The following ALMS1 variants were observed in gnomAD, a reference collection of about 807,000 sequenced individuals.
The protein encoded by ALMS1 is ALMS1 centrosome and basal body associated protein.
A neutral mutation model predicts 352.2 loss-of-function variants in ALMS1; 271 were observed. The ratio of observed to expected loss-of-function variants is 0.77; its 90% CI spans 0.70 to 0.85. The LOEUF is 0.85. Ranked by LOEUF, ALMS1 falls within the 40% of genes least tolerant of loss-of-function variation. ALMS1 has a pLI of 0.00. For missense variants in ALMS1, 5,445 were observed against 4,870.7 expected, an observed-to-expected ratio of 1.12 and a Z score of -3.51; for synonymous variants, 1,865 against 1,761.2, an observed-to-expected ratio of 1.06 and a Z score of -1.48.
intron 16 of ALMS1, among the ~76,000 whole-genome samples, chr2:73,598,171 A>G (rs1675592346): frequency 6.6e-6 from 1 of 152,222 alleles, no homozygotes; most frequent in Non-Finnish European, 1.5e-5. Flanking sequence ...ATATAACTCC[A>G]TCTTGCCCTC....
intron 10 of ALMS1, among the ~76,000 whole-genome samples, chr2:73,506,187 G>A (rs1232053591): frequency 6.6e-6 from 1 of 152,152 alleles, no homozygotes; most frequent in East Asian, 1.9e-4. Context: ...TTTGGTTCCC[G>A]TAGCCTTGTA....
intron 16 of ALMS1, among the ~76,000 whole-genome samples, chr2:73,592,903 A>G (rs1675461711): frequency 6.6e-6 from 1 of 152,232 alleles, no homozygotes; most frequent in South Asian, 2.1e-4. Flanking sequence ...AGACAGCAAC[A>G]GGTGAGTTTG....
chr2:73,522,760 C>T (rs1294995331), intron 11 of ALMS1, among the ~76,000 whole-genome samples: 2 of 152,178 alleles, frequency 1.3e-5, no homozygotes. Context: ...AGCCACTGCG[C>T]CTGGCCAAGG....
chr2:73,577,467 A>G (rs191032763), intron 16 of ALMS1, among the ~76,000 whole-genome samples: 1 of 149,060 alleles, frequency 6.7e-6, no homozygotes, highest in Non-Finnish European at 1.5e-5. Context: ...TGGATTTAGT[A>G]TGTTTTTTTT....
chr2:73,409,104 T>C (rs180848113), intron 2 of ALMS1, among the ~76,000 whole-genome samples: 6 of 152,162 alleles, frequency 3.9e-5, no homozygotes, highest in Admixed American at 6.5e-5. Context: ...CTTGAGCTCT[T>C]GGCCTCAAAT....
At position 73,550,318 on chromosome 2, in the gene ALMS1, G is replaced by T; in HGVS notation, c.9959G>T (p.Arg3320Ile). Reference sequence around the variant, plus strand: ...TTCCCAGCTCAGGTGCTAGGCACAAGAGATGATGACCTCTCAGCCACTGTT... The same window carrying T: ...TTCCCAGCTCAGGTGCTAGGCACAATAGATGATGACCTCTCAGCCACTGTT... ...PDFPAQVLGT[R>I]DDDLSATVNI... is the part of the protein sequence containing the mutation. The change falls in exon 13 of 23, where the codon AGA becomes ATA. Residue 3320 changes from arginine (R) to isoleucine (I), a missense_variant. Physicochemically the swap from Arg to Ile is moderately conservative, Grantham distance 97. Coordinates refer to ENST00000613296, the MANE Select transcript of ALMS1 (RefSeq NM_001378454.1). 6.2e-7 allele frequency: 1 copy of T among 1,614,166 alleles called. No homozygotes were observed. The highest frequency in any genetic ancestry group is 2.2e-5 in the East Asian group (1 of 44,878).
At chr2:73,486,442 G>GATTATTTAAA (rs1672848660) in intron 9 of ALMS1, among the ~76,000 whole-genome samples, 2 of 152,140 alleles carry the variant, frequency 1.3e-5, no homozygotes, top group Non-Finnish European at 2.9e-5. Context: ...TGGTTGGCTG[G>GATTATTTAAA]AGTAGAATGG....
At chr2:73,560,500 T>TA (rs953465075) in intron 15 of ALMS1, among the ~76,000 whole-genome samples, 5 of 152,098 alleles carry the variant, frequency 3.3e-5, no homozygotes, top group African/African-American at 1.2e-4. Flanking sequence ...CTCAGAATAA[T>TA]AAAAAAGAAT....
chr2:73,601,821 G>C (rs896409177), intron 19 of ALMS1, among the ~76,000 whole-genome samples: 3 of 152,204 alleles, frequency 2.0e-5, no homozygotes, highest in Non-Finnish European at 4.4e-5. Flanking sequence ...AAGGAAACCA[G>C]GTCTCTTCTG....
intron 1 of ALMS1, among the ~76,000 whole-genome samples, chr2:73,396,303 T>TAC (rs757567739): frequency 0.097 from 14,017 of 143,992 alleles, 784 homozygotes; most frequent in East Asian, 0.35. Context: ...GTCATAGAAA[T>TAC]ACACACACAC....
chr2:73,460,446 A>G (rs1440097953), intron 9 of ALMS1, among the ~76,000 whole-genome samples: 1 of 152,136 alleles, frequency 6.6e-6, no homozygotes, highest in Non-Finnish European at 1.5e-5. Context: ...AGCACTCATT[A>G]AAAAATTCGG....
At chr2:73,428,213 C>CT (rs1671418675) in intron 6 of ALMS1, among the ~76,000 whole-genome samples, 1 of 152,124 alleles carries the variant, frequency 6.6e-6, no homozygotes, top group African/African-American at 2.4e-5. Flanking sequence ...CTCTGTCAAT[C>CT]CTATCAAATA....
At position 73,386,056 on chromosome 2, in the gene ALMS1, A is replaced by G. The variant is rs1574423971; in HGVS notation, c.188A>G (p.Gln63Arg). Residue 63 changes from glutamine to arginine, a missense_variant, in exon 1 of 23, where the codon CAG (glutamine) becomes CGG (arginine). Transcript: ENST00000613296. ...ELDSDSHYGP[Q>R]HLESIDDEED... ...GACTCCGACTCTCACTACGGGCCCC[A>G]GCATCTGGAAAGTATAGACGACGAG... is the stretch of plus-strand genomic sequence containing the variant. 3 of 1,587,322 alleles carry G rather than the reference A, an allele frequency of 1.9e-6. No homozygotes were observed. The highest frequency in any genetic ancestry group is 2.3e-5 in the East Asian group (1 of 43,148).
intron 12 of ALMS1, among the ~76,000 whole-genome samples, chr2:73,547,442 A>G (rs2104027077): frequency 6.6e-6 from 1 of 152,234 alleles, no homozygotes; most frequent in Admixed American, 6.5e-5. Context: ...TTTAGAAAAA[A>G]CTGGTCCATT....
intron 1 of ALMS1, among the ~76,000 whole-genome samples, chr2:73,392,651 C>T (rs1670674577): frequency 6.6e-6 from 1 of 152,130 alleles, no homozygotes; most frequent in South Asian, 2.1e-4. Context: ...TTTCAGGATT[C>T]ACCTGTGATG....
rs768149429 is a variant in ALMS1, at chr2:73,450,949, T to A, written c.4422T>A (p.Pro1474=). The change falls in exon 8 of 23, where the codon CCT becomes CCA. Residue 1474 remains proline (P), a synonymous_variant. Coordinates refer to ENST00000613296, the MANE Select transcript of ALMS1 (RefSeq NM_001378454.1). ...QTIGTPTVTS[P]SSSFGEKPIV... Reference sequence around the variant, plus strand: ...TTGGCACACCAACTGTAACCTCCCCTTCCAGCTCATTTGGAGAGAAGCCCA... The same window carrying A: ...TTGGCACACCAACTGTAACCTCCCCATCCAGCTCATTTGGAGAGAAGCCCA... The A allele has an allele frequency of 6.2e-7, 1 of 1,614,036 alleles. No individual in the cohort carries two copies. The highest frequency in any genetic ancestry group is 8.5e-7 in the Non-Finnish European group (1 of 1,179,970).
rs564421213 is a variant in ALMS1 at position 73,422,799 on chromosome 2, C to T, written c.647-58C>T. The stretch of plus-strand genomic sequence containing the variant: ...TGTAGGTGCTTTAAAGTATTATATA[C>T]GTAAGTAAATAATCAATTTTCAGCA... On this transcript the variant is annotated intron_variant, in intron 3 of 22. Coordinates refer to ENST00000613296, the MANE Select transcript of ALMS1 (RefSeq NM_001378454.1). 134 of 1,364,220 alleles carry T rather than the reference C, an allele frequency of 9.8e-5. 1 individual carries two copies. Among genetic ancestry groups the T allele is most frequent in the Middle Eastern group, 9.0e-4 (5 of 5,560 alleles). 84.5% of individuals were successfully genotyped at this position (1,364,220 alleles called of 1,614,324 possible).
At chr2:73,402,463 G>A (rs150560976) in intron 1 of ALMS1, among the ~76,000 whole-genome samples, 1,565 of 151,590 alleles carry the variant, frequency 0.01, 38 homozygotes, top group African/African-American at 0.036. Flanking sequence ...TAATAGAGGC[G>A]GGGTTTCGTC....
chr2:73,489,493 T>C, intron 9 of ALMS1, 141 bp from the exon 10 acceptor site: 1 of 951,160 alleles, frequency 1.1e-6, no homozygotes. Context: ...CTGTGCTCTT[T>C]GTCCTGTTAT....
Sources: gnomAD v4.1 joint callset for allele counts (sites outside exome capture counted in the v4.1 genomes callset) on GRCh38, gnomAD v4.1.1 for gene constraint, MANE v1.5 for transcripts, NCBI Gene and HGNC (gene_info 2026-07-23, HGNC 2026-07-21) for gene names.